SLC6A15: variants seen among roughly 807,000 people sequenced by gnomAD.
The protein encoded by SLC6A15 is sodium-dependent neutral amino acid transporter B(0)AT2.
In SLC6A15, 33 loss-of-function variants were observed where a neutral mutation model predicts 68.5. The observed-to-expected ratio is 0.48, with a 90% CI of 0.37 to 0.64. SLC6A15 has a LOEUF of 0.64. SLC6A15 is among the 30% of genes least tolerant of loss of function. The pLI, the probability that SLC6A15 is intolerant of heterozygous loss-of-function variation, is 0.00. For missense variants in SLC6A15, 747 were observed against 874.3 expected, an observed-to-expected ratio of 0.85 and a Z score of 1.84; for synonymous variants, 347 against 301.0, an observed-to-expected ratio of 1.15 and a Z score of -1.58.
chr12:84,879,266 C>T (rs143951296), intron 5 of SLC6A15, among the ~76,000 whole-genome samples: 5 of 151,986 alleles, frequency 3.3e-5, no homozygotes, highest in Middle Eastern at 6.8e-3. Flanking sequence ...AAATTTACAT[C>T]CCCCGTGAAG....
In SLC6A15 at chr12:84,859,946, G is replaced by T. The variant is rs189470593; in HGVS notation, c.*1686C>A. The T allele has an allele frequency of 6.6e-6, 1 of 152,128 alleles. No individual in the cohort carries two copies. The highest frequency in any genetic ancestry group is 2.4e-5 in the African/African-American group (1 of 41,552). 9.4% of individuals were successfully genotyped at this position (152,128 alleles called of 1,614,324 possible). On this transcript the variant is annotated 3_prime_UTR_variant, in exon 12 of 12. Transcript: ENST00000266682. The stretch of plus-strand genomic sequence containing the variant: ...TGGAGAATGGATGGCCAGGAGAAAT[G>T]TTGGATGAGAACTTACTTCACACTG...
intron 1 of SLC6A15, among the ~76,000 whole-genome samples, chr12:84,898,007 A>G (rs903233815): frequency 6.6e-6 from 1 of 152,198 alleles, no homozygotes; most frequent in African/African-American, 2.4e-5. Flanking sequence ...AAAAGTGTGA[A>G]AATATGCTCA....
intron 1 of SLC6A15, among the ~76,000 whole-genome samples, chr12:84,894,520 C>T (rs1391301382): frequency 1.3e-5 from 2 of 151,866 alleles, no homozygotes; most frequent in Non-Finnish European, 2.9e-5. Context: ...CTTAGAGATA[C>T]TATTATAGTA....
chr12:84,863,621 T>TAAATTAAGGAA lies in SLC6A15; in HGVS notation c.1656-21_1656-20insTTCCTTAATTT. ...ATAAACCTGAATAAAAAGAAAGTATTTAATTATTCCTTAATTTAATATTGC... is the reference window on the plus strand; with the variant it reads ...ATAAACCTGAATAAAAAGAAAGTATTAAATTAAGGAATAATTATTCCTTAATTTAATATTGC... On this transcript the variant is annotated intron_variant, in intron 10 of 11. Transcript: ENST00000266682. 1 of 1,485,442 alleles carries TAAATTAAGGAA rather than the reference T, an allele frequency of 6.7e-7. No individual in the cohort carries two copies. The highest frequency in any genetic ancestry group is 8.9e-7 in the Non-Finnish European group (1 of 1,120,826). The allele number at this position is 1,485,442 out of a possible 1,614,324, so 92.0% of individuals were successfully genotyped here. A position where few individuals can be genotyped will look rare whatever the true frequency, so the allele number is the denominator to read the frequency against.
chr12:84,875,552 C>CT (rs1448124112), intron 6 of SLC6A15, among the ~76,000 whole-genome samples: 1 of 150,442 alleles, frequency 6.6e-6, no homozygotes, highest in Non-Finnish European at 1.5e-5. Flanking sequence ...CTTCAGATAA[C>CT]TTTTAATTTC....
intron 1 of SLC6A15, among the ~76,000 whole-genome samples, chr12:84,911,091 T>C (rs1052037925): frequency 6.6e-6 from 1 of 152,174 alleles, no homozygotes; most frequent in Non-Finnish European, 1.5e-5. Context: ...GTTTCAGCAA[T>C]GATCTTGCAG....
chr12:84,898,353 C>G (rs1166292962), intron 1 of SLC6A15, among the ~76,000 whole-genome samples: 3 of 151,966 alleles, frequency 2.0e-5, no homozygotes, highest in Non-Finnish European at 2.9e-5. Context: ...AACAAACAAA[C>G]AAACAAAAAA....
At chr12:84,892,769 G>T (rs890908327) in intron 1 of SLC6A15, among the ~76,000 whole-genome samples, 1 of 151,952 alleles carries the variant, frequency 6.6e-6, no homozygotes, top group African/African-American at 2.4e-5. Flanking sequence ...GATATTAATT[G>T]TTCTTCTCAA....
chr12:84,902,576 GA>G (rs1179321973), intron 1 of SLC6A15, among the ~76,000 whole-genome samples: 2 of 151,042 alleles, frequency 1.3e-5, no homozygotes, highest in African/African-American at 2.4e-5. Context: ...ACTTATAATA[GA>G]AAAAAAATGG....
In SLC6A15 at chr12:84,860,800, A is replaced by G. The variant is rs1456162555; in HGVS notation, c.*832T>C. On this transcript the variant is annotated 3_prime_UTR_variant, in exon 12 of 12. Transcript: ENST00000266682. ...TCTTGCTTCAAGTTTTCAAATTAGT[A>G]CTTTAAGTACTTAAATGCATTGCAA... The G allele has an allele frequency of 1.3e-5, 2 of 152,182 alleles. No individual in the cohort carries two copies. Among genetic ancestry groups the G allele is most frequent in the East Asian group, 3.8e-4 (2 of 5,202 alleles). The allele number at this position is 152,182 out of a possible 1,614,324, so 9.4% of individuals were successfully genotyped here. A position where few individuals can be genotyped will look rare whatever the true frequency, so the allele number is the denominator to read the frequency against.
At chr12:84,873,403 G>C in intron 6 of SLC6A15, 75 bp from the exon 7 acceptor site, 6 of 1,508,542 alleles carry the variant, frequency 4.0e-6, no homozygotes, top group Non-Finnish European at 5.4e-6. Flanking sequence ...GGAATTTACT[G>C]TTTATGGAGT....
chr12:84,901,111 G>A (rs529216704), intron 1 of SLC6A15, among the ~76,000 whole-genome samples: 230 of 150,140 alleles, frequency 1.5e-3, no homozygotes, highest in African/African-American at 5.3e-3. Context: ...TGCTTCTCTG[G>A]TTTTGGTGGT....
chr12:84,898,506 T>C (rs370802000), intron 1 of SLC6A15, among the ~76,000 whole-genome samples: 36 of 152,294 alleles, frequency 2.4e-4, no homozygotes, highest in African/African-American at 8.2e-4. Context: ...TATTTATACA[T>C]AGATTTTAGA....
At chr12:84,911,114 G>C (rs569482597) in intron 1 of SLC6A15, among the ~76,000 whole-genome samples, 4 of 152,190 alleles carry the variant, frequency 2.6e-5, no homozygotes, top group Non-Finnish European at 4.4e-5. Flanking sequence ...ATGAGGTTGG[G>C]TGGGTGAGGG....
At chr12:84,899,899 T>C (rs1872784079) in intron 1 of SLC6A15, among the ~76,000 whole-genome samples, 1 of 152,108 alleles carries the variant, frequency 6.6e-6, no homozygotes, top group South Asian at 2.1e-4. Flanking sequence ...TCCAACTCAG[T>C]GGTTCTTAAC....
chr12:84,896,040 G>A (rs1383548215), intron 1 of SLC6A15, among the ~76,000 whole-genome samples: 2 of 152,164 alleles, frequency 1.3e-5, no homozygotes, highest in African/African-American at 4.8e-5. Flanking sequence ...TGCTCGATAG[G>A]TCATATGGAC....
chr12:84,894,764 T>C (rs892568286), intron 1 of SLC6A15, among the ~76,000 whole-genome samples: 14 of 152,150 alleles, frequency 9.2e-5, no homozygotes, highest in African/African-American at 3.1e-4. Flanking sequence ...TGGCAAAGTT[T>C]ACACTCAAAT....
intron 1 of SLC6A15, among the ~76,000 whole-genome samples, chr12:84,897,676 C>A (rs556334692): frequency 1.3e-5 from 2 of 152,164 alleles, no homozygotes; most frequent in Admixed American, 1.3e-4. Context: ...AATATATGAT[C>A]TCCAATTTTA....
intron 9 of SLC6A15, among the ~76,000 whole-genome samples, chr12:84,868,908 T>G (rs976550215): frequency 1.3e-5 from 2 of 152,208 alleles, no homozygotes; most frequent in African/African-American, 4.8e-5. Flanking sequence ...GACTTTAGCC[T>G]GCATGTCAGG....
Sources: allele counts gnomAD v4.1 joint callset (sites outside exome capture counted in the v4.1 genomes callset), GRCh38; gene constraint gnomAD v4.1.1; transcripts MANE v1.5; gene names NCBI Gene and HGNC (gene_info 2026-07-23, HGNC 2026-07-21).